Variants in CEP63 observed in about 807,000 individuals in gnomAD.
CEP63 encodes the protein centrosomal protein of 63 kDa.
In CEP63, 84 loss-of-function variants were observed where a neutral mutation model predicts 89.1. That is an observed-to-expected ratio of 0.94 (90% confidence interval 0.79 to 1.13). The LOEUF (loss-of-function observed/expected upper bound fraction) is 1.13. Ranked by LOEUF, CEP63 falls within the 50% of genes most tolerant of loss-of-function variation. CEP63 has a pLI of 0.00. For missense variants in CEP63, 838 were observed against 813.3 expected, an observed-to-expected ratio of 1.03 and a Z score of -0.37; for synonymous variants, 267 against 272.5, an observed-to-expected ratio of 0.98 and a Z score of 0.20.
intron 12 of CEP63, among the ~76,000 whole-genome samples, chr3:134,555,773 C>A (rs1400752512): frequency 2.0e-5 from 3 of 151,118 alleles, no homozygotes; most frequent in Admixed American, 2.0e-4. Context: ...GAAAAAACTA[C>A]TTTAAAGTTC....
the CEP63 span, among the ~76,000 whole-genome samples, chr3:134,700,434 T>C: frequency 6.6e-6 from 1 of 152,350 alleles, no homozygotes; most frequent in South Asian, 2.1e-4. Flanking sequence ...ATAAGGCTTA[T>C]AATGAAAAAC....
intron 12 of CEP63, chr3:134,552,880 A>G (rs973929920): frequency 6.6e-6 from 1 of 152,074 alleles, no homozygotes; most frequent in Admixed American, 6.6e-5. Flanking sequence ...CAATTACTCA[A>G]ATTACTCTAG....
At chr3:134,643,345 G>A in the CEP63 span, 1 of 1,613,976 alleles carries the variant, frequency 6.2e-7, no homozygotes, top group Non-Finnish European at 8.5e-7. Flanking sequence ...GATGACCTGG[G>A]GCTGCTGAGG....
chr3:134,565,933 C>T (rs1957739843), downstream of CEP63, among the ~76,000 whole-genome samples: 2 of 152,088 alleles, frequency 1.3e-5, no homozygotes, highest in Admixed American at 6.5e-5. Flanking sequence ...GTATGCTTCA[C>T]TGTGGGTTGA....
intron 12 of CEP63, among the ~76,000 whole-genome samples, chr3:134,557,764 T>G (rs1178107390): frequency 6.6e-6 from 1 of 152,174 alleles, no homozygotes; most frequent in Non-Finnish European, 1.5e-5. Context: ...TTGAACTAGG[T>G]CTCCGTTTTC....
At chr3:134,549,590 C>A (rs1186298346) in intron 10 of CEP63, among the ~76,000 whole-genome samples, 1 of 152,114 alleles carries the variant, frequency 6.6e-6, no homozygotes, top group Non-Finnish European at 1.5e-5. Flanking sequence ...TTGAGGTATG[C>A]AGAGCTGTTT....
At chr3:134,715,527 TG>T in the CEP63 span, among the ~76,000 whole-genome samples, 927 of 23,506 alleles carry the variant, frequency 0.039, 3 homozygotes, top group Middle Eastern at 0.086. Context: ...TTTTTTTTTT[TG>T]TTTTTTTTTG....
downstream of CEP63, among the ~76,000 whole-genome samples, chr3:134,569,477 G>A (rs941821914): frequency 1.3e-5 from 2 of 152,228 alleles, no homozygotes; most frequent in African/African-American, 4.8e-5. Flanking sequence ...ATCCAGCGGG[G>A]CAGTCAAATC....
chr3:134,602,425 A>G, the CEP63 span, among the ~76,000 whole-genome samples: 1 of 152,074 alleles, frequency 6.6e-6, no homozygotes, highest in African/African-American at 2.4e-5. Context: ...GTCTTCTCAG[A>G]GAAGGGAGGA....
the CEP63 span, among the ~76,000 whole-genome samples, chr3:134,598,147 A>C: frequency 6.6e-6 from 1 of 152,208 alleles, no homozygotes; most frequent in Non-Finnish European, 1.5e-5. Flanking sequence ...GATGAAACAC[A>C]ATACATTTCT....
intron 6 of CEP63, among the ~76,000 whole-genome samples, chr3:134,540,564 C>T (rs1951790724): frequency 6.6e-6 from 1 of 151,916 alleles, no homozygotes; most frequent in South Asian, 2.1e-4. Context: ...ATACTTTCCC[C>T]ACATTGAGCG....
chr3:134,763,996 C>G, the CEP63 span, among the ~76,000 whole-genome samples: 1 of 152,180 alleles, frequency 6.6e-6, no homozygotes, highest in Non-Finnish European at 1.5e-5. Flanking sequence ...CCAAGGCTAG[C>G]TTTGTTTACT....
chr3:134,521,339 A>AT (rs1947407019), intron 3 of CEP63, among the ~76,000 whole-genome samples: 1 of 152,136 alleles, frequency 6.6e-6, no homozygotes, highest in Non-Finnish European at 1.5e-5. Context: ...CTGTGCAAAT[A>AT]TTTACTTTCA....
the CEP63 span, among the ~76,000 whole-genome samples, chr3:134,734,002 A>G: frequency 2.0e-5 from 3 of 152,234 alleles, no homozygotes; most frequent in South Asian, 4.1e-4. Context: ...ATGATTTAAC[A>G]TTGTCCTTGA....
chr3:134,647,533 C>T, the CEP63 span: 339 of 1,383,396 alleles, frequency 2.5e-4, 3 homozygotes, highest in African/African-American at 4.3e-3. Flanking sequence ...GTGGGAGACT[C>T]AGGGCAAAAG....
downstream of CEP63, among the ~76,000 whole-genome samples, chr3:134,567,387 TAAC>T (rs1177712904): frequency 7.1e-6 from 1 of 141,450 alleles, no homozygotes; most frequent in African/African-American, 2.6e-5. Flanking sequence ...ACTCTGAATA[TAAC>T]AACTAAAAAC....
At chr3:134,491,392 C>G (rs1937539476) in intron 1 of CEP63, among the ~76,000 whole-genome samples, 1 of 152,100 alleles carries the variant, frequency 6.6e-6, no homozygotes, top group African/African-American at 2.4e-5. Flanking sequence ...ATACCTCTCG[C>G]CCATGTTTCT....
In CEP63 at chr3:134,545,833, T is replaced by A. The variant is rs752415692; in HGVS notation, c.789+14T>A. ...AAACTATTAGAGGTATGTTTTAAAATCACTATAATTGGGGGAAGTGTGTGT... is the reference window on the plus strand; with the variant it reads ...AAACTATTAGAGGTATGTTTTAAAAACACTATAATTGGGGGAAGTGTGTGT... On this transcript the variant is annotated intron_variant, in intron 7 of 14. Coordinates refer to ENST00000675561, the MANE Select transcript of CEP63 (RefSeq NM_001353108.3). The A allele has an allele frequency of 1.9e-6, 3 of 1,571,132 alleles. No homozygotes were observed. The highest frequency in any genetic ancestry group is 1.7e-5 in the Admixed American group (1 of 58,206).
chr3:134,652,606 G>C, the CEP63 span, among the ~76,000 whole-genome samples: 1 of 151,888 alleles, frequency 6.6e-6, no homozygotes, highest in Non-Finnish European at 1.5e-5. Context: ...TTCTGCTAAA[G>C]TGAGTCTTGT....
Sources: allele counts gnomAD v4.1 joint callset (sites outside exome capture counted in the v4.1 genomes callset), GRCh38; gene constraint gnomAD v4.1.1; transcripts MANE v1.5; gene names NCBI Gene and HGNC (gene_info 2026-07-23, HGNC 2026-07-21).